The following EFNA5 variants were observed in gnomAD, a reference collection of about 807,000 sequenced individuals.
EFNA5 encodes the protein ephrin-A5.
In EFNA5, 5 loss-of-function variants were observed where a neutral mutation model predicts 22.9. The observed-to-expected ratio is 0.22, with a 90% CI of 0.11 to 0.46. The LOEUF (loss-of-function observed/expected upper bound fraction) is 0.46, where lower values mean the gene tolerates loss of function less well. Ranked by LOEUF, EFNA5 falls within the 20% of genes least tolerant of loss-of-function variation. The pLI, the probability that EFNA5 is intolerant of heterozygous loss-of-function variation, is 0.99. For synonymous variants in EFNA5, 113 were observed against 112.2 expected (o/e 1.01, Z -0.04); for missense variants, 237 against 293.3 (o/e 0.81, Z 1.40).
intron 1 of EFNA5, among the ~76,000 whole-genome samples, chr5:107,434,335 C>A (rs980104435): frequency 6.6e-6 from 1 of 152,160 alleles, no homozygotes; most frequent in Non-Finnish European, 1.5e-5. Context: ...CCCCACACTC[C>A]TGTGTTGTGG....
intron 4 of EFNA5, among the ~76,000 whole-genome samples, chr5:107,383,430 G>A (rs906843199): frequency 3.9e-5 from 6 of 152,062 alleles, no homozygotes; most frequent in African/African-American, 1.4e-4. Context: ...AGAAGTAAAG[G>A]CCCTTAATAG....
intron 2 of EFNA5, among the ~76,000 whole-genome samples, chr5:107,416,383 G>A (rs966207841): frequency 3.3e-5 from 5 of 152,072 alleles, no homozygotes; most frequent in Non-Finnish European, 2.9e-5. Flanking sequence ...TAGGCTTGGG[G>A]TCAAACTACA....
intron 1 of EFNA5, among the ~76,000 whole-genome samples, chr5:107,485,940 A>C (rs1746606774): frequency 6.6e-6 from 1 of 152,136 alleles, no homozygotes; most frequent in Non-Finnish European, 1.5e-5. Context: ...CGCCAACTGG[A>C]TACTGAAGCG....
chr5:107,386,859 A>G (rs1747638985), intron 4 of EFNA5, among the ~76,000 whole-genome samples: 1 of 152,222 alleles, frequency 6.6e-6, no homozygotes, highest in African/African-American at 2.4e-5. Context: ...ATAAAATTTT[A>G]TGAACATATA....
At chr5:107,475,866 G>A (rs1040400392) in intron 1 of EFNA5, among the ~76,000 whole-genome samples, 1 of 150,968 alleles carries the variant, frequency 6.6e-6, no homozygotes. Flanking sequence ...ATGAGATGTT[G>A]TTAATGAATA....
At chr5:107,431,433 G>A (rs545545875) in intron 1 of EFNA5, among the ~76,000 whole-genome samples, 1 of 152,260 alleles carries the variant, frequency 6.6e-6, no homozygotes, top group Non-Finnish European at 1.5e-5. Flanking sequence ...CATAAGTATG[G>A]CTAATATTAG....
At chr5:107,545,758 C>T (rs1748132932) in intron 1 of EFNA5, among the ~76,000 whole-genome samples, 1 of 152,150 alleles carries the variant, frequency 6.6e-6, no homozygotes, top group South Asian at 2.1e-4. Flanking sequence ...CCTCTGATGG[C>T]TCTGTAATCA....
At chr5:107,540,388 G>A (rs1181034558) in intron 1 of EFNA5, among the ~76,000 whole-genome samples, 1 of 152,052 alleles carries the variant, frequency 6.6e-6, no homozygotes, top group African/African-American at 2.4e-5. Context: ...ATTTATTCTT[G>A]CACATATTTA....
intron 1 of EFNA5, among the ~76,000 whole-genome samples, chr5:107,509,927 A>T (rs1747328862): frequency 6.6e-6 from 1 of 152,226 alleles, no homozygotes; most frequent in African/African-American, 2.4e-5. Flanking sequence ...AATATGCTCC[A>T]TGATCATCAT....
At chr5:107,438,233 C>A (rs1749166849) in intron 1 of EFNA5, among the ~76,000 whole-genome samples, 1 of 152,198 alleles carries the variant, frequency 6.6e-6, no homozygotes, top group Non-Finnish European at 1.5e-5. Flanking sequence ...TACCCCCACA[C>A]AGCCTCCTGA....
At chr5:107,596,429 G>A (rs781039223) in intron 1 of EFNA5, among the ~76,000 whole-genome samples, 4 of 152,082 alleles carry the variant, frequency 2.6e-5, no homozygotes, top group Admixed American at 6.6e-5. Flanking sequence ...TTGAGGTGTA[G>A]CATATGACAG....
chr5:107,579,216 C>T (rs1158416022), intron 1 of EFNA5, among the ~76,000 whole-genome samples: 1 of 152,096 alleles, frequency 6.6e-6, no homozygotes, highest in Non-Finnish European at 1.5e-5. Flanking sequence ...AGAAGAAAGA[C>T]CATAGATTTT....
At chr5:107,603,925 T>C (rs919124823) in intron 1 of EFNA5, among the ~76,000 whole-genome samples, 2 of 152,204 alleles carry the variant, frequency 1.3e-5, no homozygotes, top group Admixed American at 6.5e-5. Flanking sequence ...CAATGACCTT[T>C]CAAAGCAAGC....
chr5:107,392,671 C>T (rs950023677), intron 2 of EFNA5, among the ~76,000 whole-genome samples: 3 of 152,156 alleles, frequency 2.0e-5, no homozygotes, highest in African/African-American at 7.2e-5. Context: ...TTCTTAAGAG[C>T]TGATACAATG....
chr5:107,569,543 GTGTGTATATATATATTTA>G (rs1561435901), intron 1 of EFNA5, among the ~76,000 whole-genome samples: 4 of 113,696 alleles, frequency 3.5e-5, no homozygotes, highest in African/African-American at 1.2e-4. Flanking sequence ...ATATATATAT[GTGTGTATATATATATTTA>G]TATATATATA....
intron 1 of EFNA5, among the ~76,000 whole-genome samples, chr5:107,579,495 G>T (rs1339081519): frequency 6.6e-6 from 1 of 151,604 alleles, no homozygotes; most frequent in East Asian, 1.9e-4. Context: ...ACAGACAAGA[G>T]GCTCCAAGAA....
chr5:107,511,002 TTGTG>T (rs71644591), intron 1 of EFNA5, among the ~76,000 whole-genome samples: 4,164 of 140,366 alleles, frequency 0.03, 126 homozygotes, highest in African/African-American at 0.077. Context: ...TTCTTTTTCT[TTGTG>T]TGTGTGTGTG....
chr5:107,636,882 G>A (rs889559837), intron 1 of EFNA5, among the ~76,000 whole-genome samples: 2 of 152,180 alleles, frequency 1.3e-5, no homozygotes, highest in Non-Finnish European at 2.9e-5. Context: ...CATTAGAAAC[G>A]AGCATGAAAA....
In EFNA5 at chr5:107,377,396, T is replaced by G. The variant is rs1747295297; in HGVS notation, c.*3859A>C. 6.7e-6 allele frequency: 1 copy of G among 150,358 alleles called. No individual in the cohort carries two copies. The highest frequency in any genetic ancestry group is 1.5e-5 in the Non-Finnish European group (1 of 67,664). The allele number at this position is 150,358 out of a possible 1,614,324, so 9.3% of individuals were successfully genotyped here. A position where few individuals can be genotyped will look rare whatever the true frequency, so the allele number is the denominator to read the frequency against. ...AGGAAGGCAAGAGACACACAAAAAA[T>G]AAACATACTAAGTAAAAGGGGGGTG... On this transcript the variant is annotated 3_prime_UTR_variant, in exon 5 of 5. Coordinates refer to ENST00000333274, the MANE Select transcript of EFNA5 (RefSeq NM_001962.3).
Sources: allele counts gnomAD v4.1 joint callset (sites outside exome capture counted in the v4.1 genomes callset), GRCh38; gene constraint gnomAD v4.1.1; transcripts MANE v1.5; gene names NCBI Gene and HGNC (gene_info 2026-07-23, HGNC 2026-07-21).